The following ADORA2B variants were observed in gnomAD, a reference collection of about 807,000 sequenced individuals.
ADORA2B encodes the protein adenosine receptor A2b.
A neutral mutation model predicts 20.8 loss-of-function variants in ADORA2B; 18 were observed. That is an observed-to-expected ratio of 0.87 (90% CI 0.60 to 1.29). ADORA2B has a LOEUF of 1.29. ADORA2B is among the 50% of genes most tolerant of loss of function. The probability of loss-of-function intolerance (pLI) is 0.00; values close to 1 mark genes in which losing one functional copy is unlikely to be tolerated. For missense variants in ADORA2B, 441 were observed against 422.7 expected (o/e 1.04, Z -0.38); for synonymous variants, 179 against 178.3 (o/e 1.00, Z -0.03).
At chr17:15,937,893 C>G in the ADORA2B span, among the ~76,000 whole-genome samples, 1 of 152,202 alleles carries the variant, frequency 6.6e-6, no homozygotes, top group East Asian at 1.9e-4. Context: ...CTTTTCAAAG[C>G]CTCCTATGGA....
At chr17:15,867,400 C>T in the ADORA2B span, among the ~76,000 whole-genome samples, 1 of 151,736 alleles carries the variant, frequency 6.6e-6, no homozygotes, top group African/African-American at 2.4e-5. Context: ...CTCTGCCGCC[C>T]CATCTGGGAT....
chr17:15,905,235 A>G, the ADORA2B span, among the ~76,000 whole-genome samples: 9 of 146,238 alleles, frequency 6.2e-5, no homozygotes, highest in East Asian at 1.8e-3. Flanking sequence ...CTGCATATAG[A>G]TCCTGCACAT....
chr17:15,924,081 G>T, the ADORA2B span, among the ~76,000 whole-genome samples: 1 of 151,816 alleles, frequency 6.6e-6, no homozygotes, highest in Admixed American at 6.6e-5. Flanking sequence ...CCCAGCTAAT[G>T]TTTATATTTT....
At chr17:15,894,087 C>T in the ADORA2B span, among the ~76,000 whole-genome samples, 3 of 152,290 alleles carry the variant, frequency 2.0e-5, no homozygotes, top group African/African-American at 4.8e-5. Flanking sequence ...ACAGAACATA[C>T]TTTGGAAAAT....
chr17:15,930,857 TAAAATCC>T, the ADORA2B span, among the ~76,000 whole-genome samples: 350 of 152,374 alleles, frequency 2.3e-3, no homozygotes, highest in Non-Finnish European at 3.5e-3. Flanking sequence ...CAGTGTCTGC[TAAAATCC>T]ATAATATCCA....
the ADORA2B span, among the ~76,000 whole-genome samples, chr17:15,903,613 A>C: frequency 6.6e-6 from 1 of 152,078 alleles, no homozygotes; most frequent in Non-Finnish European, 1.5e-5. Context: ...CTCACTTGCT[A>C]TCTCCCTGTG....
chr17:15,904,902 C>T, the ADORA2B span, among the ~76,000 whole-genome samples: 1 of 152,018 alleles, frequency 6.6e-6, no homozygotes, highest in Non-Finnish European at 1.5e-5. Context: ...CTCTTTTGTT[C>T]TATTGATTTA....
At chr17:15,894,711 A>G in the ADORA2B span, among the ~76,000 whole-genome samples, 2 of 151,426 alleles carry the variant, frequency 1.3e-5, no homozygotes, top group African/African-American at 4.9e-5. Flanking sequence ...GAAGAAGTCA[A>G]ACACAACACC....
the ADORA2B span, among the ~76,000 whole-genome samples, chr17:15,902,489 C>T: frequency 1.2e-4 from 19 of 152,204 alleles, no homozygotes; most frequent in Non-Finnish European, 2.4e-4. Context: ...TGAGCCACTG[C>T]GCTGGGTCGC....
At chr17:15,872,461 A>G in the ADORA2B span, among the ~76,000 whole-genome samples, 1 of 152,038 alleles carries the variant, frequency 6.6e-6, no homozygotes, top group South Asian at 2.1e-4. Context: ...TGGTATTTGG[A>G]TGGGAATTTC....
the ADORA2B span, among the ~76,000 whole-genome samples, chr17:15,867,200 C>T: frequency 4.6e-5 from 7 of 152,068 alleles, no homozygotes; most frequent in South Asian, 4.4e-4. Context: ...CTCTGCCCGG[C>T]CGCCACCCCG....
chr17:15,882,175 G>A, the ADORA2B span, among the ~76,000 whole-genome samples: 52 of 152,314 alleles, frequency 3.4e-4, no homozygotes, highest in African/African-American at 1.1e-3. Context: ...GAGGCAAGAG[G>A]ATAACAGAGG....
the ADORA2B span, among the ~76,000 whole-genome samples, chr17:15,875,861 G>A: frequency 1.3e-5 from 2 of 152,214 alleles, no homozygotes; most frequent in Admixed American, 6.5e-5. Flanking sequence ...AATTACAGGC[G>A]TGAGCCACCA....
At chr17:15,960,594 G>A (rs868074959) in intron 1 of ADORA2B, among the ~76,000 whole-genome samples, 20 of 138,314 alleles carry the variant, frequency 1.4e-4, no homozygotes, top group African/African-American at 4.9e-4. Flanking sequence ...CAAATTGGCC[G>A]GGCGCGGTGG....
chr17:15,959,785 G>A (rs1424903570), intron 1 of ADORA2B, among the ~76,000 whole-genome samples: 1 of 152,238 alleles, frequency 6.6e-6, no homozygotes, highest in Non-Finnish European at 1.5e-5. Context: ...ACAGGCATGA[G>A]CCACTGTGCC....
At chr17:15,883,435 C>G in the ADORA2B span, among the ~76,000 whole-genome samples, 2 of 152,188 alleles carry the variant, frequency 1.3e-5, no homozygotes. Context: ...TACAGAGTTG[C>G]AAAGGGTTTT....
chr17:15,876,222 A>G, the ADORA2B span, among the ~76,000 whole-genome samples: 1 of 152,036 alleles, frequency 6.6e-6, no homozygotes, highest in Non-Finnish European at 1.5e-5. Context: ...ATAACATTTT[A>G]GGTCAGCAAC....
the ADORA2B span, among the ~76,000 whole-genome samples, chr17:15,860,466 C>G: frequency 8.5e-5 from 13 of 152,226 alleles, no homozygotes; most frequent in East Asian, 2.1e-3. Context: ...TCCTGCCACT[C>G]TGTCTCTCTC....
intron 1 of ADORA2B, among the ~76,000 whole-genome samples, chr17:15,946,706 A>G (rs975415537): frequency 2.0e-5 from 3 of 152,166 alleles, no homozygotes; most frequent in African/African-American, 7.2e-5. Flanking sequence ...AGGAGGGGTG[A>G]TGGCCCAGGG....
Sources: allele counts gnomAD v4.1 joint callset (sites outside exome capture counted in the v4.1 genomes callset), GRCh38; gene constraint gnomAD v4.1.1; transcripts MANE v1.5; gene names NCBI Gene and HGNC (gene_info 2026-07-23, HGNC 2026-07-21).